Variants in SGCG observed in about 807,000 individuals in gnomAD.
The protein encoded by SGCG is sarcoglycan gamma.
In SGCG, 26 loss-of-function variants were observed where a neutral mutation model predicts 29.3. That is an observed-to-expected ratio of 0.89 (90% CI 0.65 to 1.23). SGCG has a LOEUF of 1.23. Ranked by LOEUF, SGCG falls within the 50% of genes most tolerant of loss-of-function variation. The pLI is 0.00. For synonymous variants in SGCG, 145 were observed against 129.7 expected (o/e 1.12, Z -0.80); for missense variants, 353 against 356.0 (o/e 0.99, Z 0.07).
chr13:23,203,596 A>G (rs530715985), intron 1 of SGCG, 99 bp from the exon 2 acceptor site: 1 of 818,072 alleles, frequency 1.2e-6, no homozygotes, highest in Non-Finnish European at 2.1e-6. Context: ...GATGAAAAAT[A>G]TGTTTTCAGG....
At chr13:23,230,222 C>T (rs555476952) in intron 2 of SGCG, among the ~76,000 whole-genome samples, 25 of 152,192 alleles carry the variant, frequency 1.6e-4, no homozygotes, top group Non-Finnish European at 3.1e-4. Flanking sequence ...TGTGATAACT[C>T]CAGCCTTGCT....
chr13:23,314,407 T>TATATATATATATATATATATATATATAA (rs1439124394), intron 6 of SGCG, among the ~76,000 whole-genome samples: 1 of 140,938 alleles, frequency 7.1e-6, no homozygotes, highest in African/African-American at 2.6e-5. Flanking sequence ...TATATATATA[T>TATATATATATATATATATATATATATAA]AATCTTATTC....
Position 23,202,360 on chromosome 13 carries a change from C to T in SGCG, c.1-1335C>T, listed in dbSNP as rs186834470. Among the ~76,000 whole-genome samples the T allele has an allele frequency of 3.4e-3, 519 of 152,212 alleles. 2 individuals carry two copies. The highest frequency in any genetic ancestry group is 0.012 in the African/African-American group (478 of 41,532). ...AGTGGACTTTTCAGCAGTGTAGTTA[C>T]GAGCATTCAGAGTAACCTAAACTAG... is the stretch of plus-strand genomic sequence containing the variant. On this transcript the variant is annotated intron_variant, in intron 1 of 7. Transcript: ENST00000218867.
upstream of SGCG, among the ~76,000 whole-genome samples, chr13:23,176,215 T>A (rs915974211): frequency 1.3e-4 from 20 of 152,270 alleles, no homozygotes; most frequent in East Asian, 3.5e-3. Context: ...ATGGAATTAA[T>A]ATCATTTTAA....
chr13:23,182,106 C>CA (rs1263283387), intron 1 of SGCG, among the ~76,000 whole-genome samples: 2 of 152,218 alleles, frequency 1.3e-5, no homozygotes, highest in Non-Finnish European at 2.9e-5. Flanking sequence ...CAAAAGATAT[C>CA]AGCTAAGCTT....
rs146076961 is a variant in SGCG, at chr13:23,281,244, G to A, written c.505+1766G>A. Among the ~76,000 whole-genome samples the A allele has an allele frequency of 7.8e-3, 1,180 of 152,120 alleles. 19 individuals are homozygous for A. The highest frequency in any genetic ancestry group is 0.026 in the African/African-American group (1,091 of 41,452). On this transcript the variant is annotated intron_variant, in intron 5 of 7. Transcript: ENST00000218867. Reference sequence around the variant, plus strand: ...GGTCCCAGCTACTTGGGAGGCTGAGGTGGGAGGATCACCTGAGCCTGGGAG... The same window carrying A: ...GGTCCCAGCTACTTGGGAGGCTGAGATGGGAGGATCACCTGAGCCTGGGAG...
chr13:23,203,915 C>T, intron 2 of SGCG, 26 bp downstream of exon 2: 1 of 1,510,948 alleles, frequency 6.6e-7, no homozygotes, highest in South Asian at 1.1e-5. Context: ...TTCTGGTAAG[C>T]ATGTTCTTGT....
chr13:23,244,075 T>C (rs1489238287), intron 3 of SGCG: 1 of 152,106 alleles, frequency 6.6e-6, no homozygotes, highest in Non-Finnish European at 1.5e-5. Flanking sequence ...GATATTTGGT[T>C]TCCTCTGAGT....
At chr13:23,246,468 C>T (rs1321293845) in intron 3 of SGCG, 1 of 152,212 alleles carries the variant, frequency 6.6e-6, no homozygotes, top group African/African-American at 2.4e-5. Context: ...ATAGCAACAC[C>T]TTCCCCAAGG....
intron 6 of SGCG, among the ~76,000 whole-genome samples, chr13:23,305,981 C>A (rs904295866): frequency 3.3e-5 from 5 of 152,164 alleles, no homozygotes; most frequent in African/African-American, 4.8e-5. Flanking sequence ...AAGCGATTCT[C>A]CCACCTCAGC....
upstream of SGCG, among the ~76,000 whole-genome samples, chr13:23,176,135 C>T (rs1240811651): frequency 6.6e-6 from 1 of 152,132 alleles, no homozygotes; most frequent in Non-Finnish European, 1.5e-5. Flanking sequence ...ACTTTTATTA[C>T]TGTTATACTG....
chr13:23,276,254 G>A (rs536088113), intron 4 of SGCG, among the ~76,000 whole-genome samples: 2 of 151,888 alleles, frequency 1.3e-5, no homozygotes, highest in African/African-American at 4.8e-5. Flanking sequence ...ATTGAAGAAA[G>A]TGCAGTTGCC....
intron 5 of SGCG, among the ~76,000 whole-genome samples, chr13:23,286,554 G>A (rs1881503881): frequency 6.6e-6 from 1 of 152,154 alleles, no homozygotes; most frequent in South Asian, 2.1e-4. Context: ...AGAGCCCCAG[G>A]GGATACCTCA....
intron 2 of SGCG, among the ~76,000 whole-genome samples, chr13:23,226,532 G>A (rs542476497): frequency 6.6e-6 from 1 of 152,238 alleles, no homozygotes; most frequent in South Asian, 2.1e-4. Context: ...TTCTTCCCAA[G>A]CTGACACTTG....
intron 4 of SGCG, among the ~76,000 whole-genome samples, chr13:23,269,679 T>C (rs1298932257): frequency 2.6e-5 from 4 of 152,148 alleles, no homozygotes; most frequent in Admixed American, 2.6e-4. Context: ...TCCATATTAA[T>C]TCATAAACAT....
the SGCG span, among the ~76,000 whole-genome samples, chr13:23,166,686 G>A: frequency 6.6e-6 from 1 of 152,174 alleles, no homozygotes; most frequent in Non-Finnish European, 1.5e-5. Context: ...AGGGGAAATG[G>A]GAGGTCTGCT....
chr13:23,295,639 T>C, intron 6 of SGCG, 152 bp downstream of exon 6: 1 of 689,192 alleles, frequency 1.5e-6, no homozygotes, highest in East Asian at 2.7e-5. Context: ...CTAGATAGTA[T>C]TTATTAAAAT....
intron 6 of SGCG, among the ~76,000 whole-genome samples, chr13:23,309,627 T>C (rs1300782329): frequency 6.6e-6 from 1 of 152,220 alleles, no homozygotes; most frequent in Non-Finnish European, 1.5e-5. Context: ...AATGAAATTA[T>C]GTCTGCTATA....
chr13:23,261,104 TCTG>T (rs1366562387), intron 4 of SGCG, among the ~76,000 whole-genome samples: 6 of 152,134 alleles, frequency 3.9e-5, no homozygotes, highest in African/African-American at 1.4e-4. Flanking sequence ...CTGGGGAAGT[TCTG>T]CTGGATAATA....
Sources: gnomAD v4.1 joint callset for allele counts (sites outside exome capture counted in the v4.1 genomes callset) on GRCh38, gnomAD v4.1.1 for gene constraint, MANE v1.5 for transcripts, NCBI Gene and HGNC (gene_info 2026-07-23, HGNC 2026-07-21) for gene names.